PDE10A: variants seen among roughly 807,000 people sequenced by gnomAD.
PDE10A encodes the protein cAMP and cAMP-inhibited cGMP 3',5'-cyclic phosphodiesterase 10A.
A neutral mutation model predicts 97.7 loss-of-function variants in PDE10A; 39 were observed. The observed-to-expected ratio is 0.40, with a 90% confidence interval of 0.31 to 0.52. PDE10A has a LOEUF of 0.52. Among genes scored for constraint, PDE10A ranks in the 20% least tolerant of loss-of-function variants. The pLI, the probability that PDE10A is intolerant of heterozygous loss-of-function variation, is 0.56. For missense variants in PDE10A, 731 were observed against 1,047.8 expected (o/e 0.70, Z 4.17); for synonymous variants, 371 against 376.8 (o/e 0.98, Z 0.18).
At chr6:165,706,361 AGGTTTCCATG>A (rs1791709025) in intron 1 of PDE10A, among the ~76,000 whole-genome samples, 1 of 152,184 alleles carries the variant, frequency 6.6e-6, no homozygotes, top group Non-Finnish European at 1.5e-5. Flanking sequence ...ATCAGGACAC[AGGTTTCCATG>A]GGTCATGGAC....
At chr6:165,390,114 T>C (rs1341288512) in intron 16 of PDE10A, among the ~76,000 whole-genome samples, 3 of 152,204 alleles carry the variant, frequency 2.0e-5, no homozygotes, top group Non-Finnish European at 4.4e-5. Context: ...ACAGACTGCA[T>C]GGTCTAAGTC....
At chr6:165,562,075 C>G (rs1447188116) in intron 1 of PDE10A, among the ~76,000 whole-genome samples, 1 of 152,010 alleles carries the variant, frequency 6.6e-6, no homozygotes, top group Non-Finnish European at 1.5e-5. Flanking sequence ...GTTCAAGACC[C>G]ATCTGTGCAA....
intron 18 of PDE10A, among the ~76,000 whole-genome samples, chr6:165,354,925 C>T (rs1227034651): frequency 6.6e-6 from 1 of 151,922 alleles, no homozygotes; most frequent in Non-Finnish European, 1.5e-5. Context: ...AATTAGCCAT[C>T]ACAACAATGT....
chr6:165,562,037 G>A (rs1047105460), intron 1 of PDE10A, among the ~76,000 whole-genome samples: 2 of 152,150 alleles, frequency 1.3e-5, no homozygotes, highest in South Asian at 2.1e-4. Context: ...TAAGGAGGCC[G>A]AGGCAGGAGG....
intron 1 of PDE10A, among the ~76,000 whole-genome samples, chr6:165,693,480 GA>G (rs1258758635): frequency 1.5e-5 from 2 of 132,094 alleles, no homozygotes; most frequent in Non-Finnish European, 3.1e-5. Flanking sequence ...GCAGTGAGCT[GA>G]GATGGCACCA....
chr6:165,976,612 C>T (rs145334877), intron 1 of PDE10A, among the ~76,000 whole-genome samples: 10 of 152,234 alleles, frequency 6.6e-5, no homozygotes, highest in African/African-American at 2.2e-4. Context: ...CCACTTCACA[C>T]GCACTCACTC....
At chr6:165,641,438 A>T (rs1040018539) in intron 1 of PDE10A, among the ~76,000 whole-genome samples, 2 of 152,220 alleles carry the variant, frequency 1.3e-5, no homozygotes, top group African/African-American at 4.8e-5. Context: ...GGCATCACAC[A>T]TGTTTTAAAG....
chr6:165,530,539 C>T (rs1782712259), intron 2 of PDE10A, among the ~76,000 whole-genome samples: 1 of 152,068 alleles, frequency 6.6e-6, no homozygotes, highest in Non-Finnish European at 1.5e-5. Context: ...ATGCTCACTA[C>T]CTGGGTGATG....
chr6:165,958,227 C>T (rs944803817), intron 1 of PDE10A, among the ~76,000 whole-genome samples: 1 of 152,084 alleles, frequency 6.6e-6, no homozygotes, highest in Admixed American at 6.5e-5. Flanking sequence ...CCTCCACCCA[C>T]AAAAGACAGC....
intron 1 of PDE10A, among the ~76,000 whole-genome samples, chr6:165,707,439 A>T (rs1791740580): frequency 6.6e-6 from 1 of 152,190 alleles, no homozygotes; most frequent in Non-Finnish European, 1.5e-5. Context: ...CAGAGGCCTC[A>T]CCTCAAGGTG....
rs1781287456 is a variant in PDE10A, at chr6:165,330,603, A to T, written c.*2422T>A. ...TTCACAAGAAATTAACCAACCAGTA[A>T]ATCCAATCACATTCCTTTGGGAAAC... is the stretch of plus-strand genomic sequence containing the variant. On this transcript the variant is annotated 3_prime_UTR_variant, in exon 22 of 22. Coordinates refer to ENST00000539869, the MANE Select transcript of PDE10A (RefSeq NM_001385079.1). 6.6e-6 allele frequency: 1 copy of T among 152,158 alleles called. No homozygotes were observed. The highest frequency in any genetic ancestry group is 2.4e-5 in the African/African-American group (1 of 41,448). 9.4% of individuals were successfully genotyped at this position (152,158 alleles called of 1,614,324 possible).
chr6:165,821,612 G>A (rs1224017924), intron 1 of PDE10A, among the ~76,000 whole-genome samples: 2 of 152,072 alleles, frequency 1.3e-5, no homozygotes, highest in African/African-American at 4.8e-5. Context: ...TCTGCCTCCT[G>A]GGTTCAAGCA....
intron 1 of PDE10A, among the ~76,000 whole-genome samples, chr6:165,569,246 G>C (rs755682409): frequency 6.6e-6 from 1 of 151,988 alleles, no homozygotes; most frequent in Admixed American, 6.6e-5. Flanking sequence ...ATTGTTGTAG[G>C]GGCCTTTTTT....
At chr6:165,386,778 G>A (rs1171368874) in intron 17 of PDE10A, among the ~76,000 whole-genome samples, 16 of 151,546 alleles carry the variant, frequency 1.1e-4, no homozygotes, top group African/African-American at 2.9e-4. Context: ...TGAGGCGGGC[G>A]GATCACAAGG....
chr6:165,544,723 A>G (rs1422689006), intron 1 of PDE10A, among the ~76,000 whole-genome samples: 1 of 152,096 alleles, frequency 6.6e-6, no homozygotes, highest in East Asian at 1.9e-4. Context: ...TCTGCTGGGA[A>G]CTAAAGTCAC....
intron 13 of PDE10A, among the ~76,000 whole-genome samples, chr6:165,399,081 AAATC>A (rs1562422954): frequency 6.6e-6 from 1 of 152,246 alleles, no homozygotes; most frequent in Non-Finnish European, 1.5e-5. Context: ...GAAATAAAGA[AAATC>A]ATTTCAAATA....
intron 1 of PDE10A, among the ~76,000 whole-genome samples, chr6:165,815,166 C>T (rs1368564794): frequency 1.3e-5 from 2 of 152,168 alleles, no homozygotes; most frequent in African/African-American, 4.8e-5. Context: ...GGGCCCAGCT[C>T]CTTAAACACT....
chr6:165,944,318 T>A (rs138171948), intron 1 of PDE10A, among the ~76,000 whole-genome samples: 4 of 152,280 alleles, frequency 2.6e-5, no homozygotes, highest in African/African-American at 7.2e-5. Flanking sequence ...CTCTTTAATT[T>A]CTCCTCTTGA....
chr6:165,380,745 G>A (rs1784879798), intron 17 of PDE10A, among the ~76,000 whole-genome samples: 1 of 152,210 alleles, frequency 6.6e-6, no homozygotes, highest in Non-Finnish European at 1.5e-5. Context: ...CTCAGGCTTT[G>A]GGCTGGTGGC....
Sources: allele counts gnomAD v4.1 joint callset (sites outside exome capture counted in the v4.1 genomes callset), GRCh38; gene constraint gnomAD v4.1.1; transcripts MANE v1.5; gene names NCBI Gene and HGNC (gene_info 2026-07-23, HGNC 2026-07-21).